ADAMTS9: variants seen among roughly 807,000 people sequenced by gnomAD.
ADAMTS9 encodes A disintegrin and metalloproteinase with thrombospondin motifs 9.
A neutral mutation model predicts 257.1 loss-of-function variants in ADAMTS9; 107 were observed. The ratio of observed to expected loss-of-function variants is 0.42; its 90% CI spans 0.36 to 0.49. The LOEUF (loss-of-function observed/expected upper bound fraction) is 0.49, where lower values mean the gene tolerates loss of function less well. ADAMTS9 is among the 20% of genes least tolerant of loss of function. The pLI, the probability that ADAMTS9 is intolerant of heterozygous loss-of-function variation, is 0.03. For synonymous variants in ADAMTS9, 982 were observed against 880.9 expected (o/e 1.11, Z -2.03); for missense variants, 2,353 against 2,469.1 (o/e 0.95, Z 1.00).
At chr3:64,566,233 T>A (rs530522271) in intron 29 of ADAMTS9, among the ~76,000 whole-genome samples, 2 of 152,332 alleles carry the variant, frequency 1.3e-5, no homozygotes, top group South Asian at 4.1e-4. Context: ...CAATAATCTT[T>A]AATCATGCAG....
At position 64,651,067 on chromosome 3, in the gene ADAMTS9, G is replaced by T. The variant is rs770979909; in HGVS notation, c.1413C>A (p.Asn471Lys). ...VMAPTLNFYT[N>K]PWMWSKCSRK... is the part of the protein sequence containing the mutation. ...GACTACACTTTGACCACATCCAGGG[G>T]TTGGTGTAGAAGTTCAGTGTTGGAG... Residue 471 changes from asparagine to lysine, a missense_variant, in exon 9 of 40, where the codon AAC (asparagine) becomes AAA (lysine). Coordinates refer to ENST00000498707, the MANE Select transcript of ADAMTS9 (RefSeq NM_182920.2). The T allele has an allele frequency of 3.7e-6, 6 of 1,608,016 alleles. No individual in the cohort carries two copies. Among genetic ancestry groups the T allele is most frequent in the Non-Finnish European group, 4.2e-6 (5 of 1,178,036 alleles).
At chr3:64,568,600 C>T (rs2083599793) in intron 28 of ADAMTS9, 65 bp from the exon 29 acceptor site, 4 of 1,583,740 alleles carry the variant, frequency 2.5e-6, no homozygotes, top group Non-Finnish European at 3.4e-6. Flanking sequence ...GAGAAAAAAC[C>T]TGCGTCTTGA....
At chr3:64,614,643 G>A (rs368309127) in intron 21 of ADAMTS9, among the ~76,000 whole-genome samples, 4 of 152,150 alleles carry the variant, frequency 2.6e-5, no homozygotes, top group Admixed American at 6.5e-5. Context: ...GAATCTCCTT[G>A]GGCTGTGTTA....
chr3:64,589,453 AG>A (rs2084219341), intron 28 of ADAMTS9: 1 of 152,220 alleles, frequency 6.6e-6, no homozygotes, highest in Non-Finnish European at 1.5e-5. Flanking sequence ...CTATCACTGA[AG>A]TAGATTATCG....
intron 28 of ADAMTS9, among the ~76,000 whole-genome samples, chr3:64,593,462 C>A (rs1021468456): frequency 6.6e-6 from 1 of 152,190 alleles, no homozygotes; most frequent in Non-Finnish European, 1.5e-5. Flanking sequence ...ACAGCCCTAA[C>A]GGCTCCACAG....
intron 36 of ADAMTS9, among the ~76,000 whole-genome samples, chr3:64,540,072 A>G (rs1338635378): frequency 6.6e-6 from 1 of 152,166 alleles, no homozygotes; most frequent in Non-Finnish European, 1.5e-5. Flanking sequence ...ACAGTTCACT[A>G]CACTTTGGTG....
intron 10 of ADAMTS9, 36 bp from the exon 11 acceptor site, chr3:64,648,080 G>A (rs893650654): frequency 6.4e-7 from 1 of 1,569,710 alleles, no homozygotes; most frequent in Non-Finnish European, 8.7e-7. Context: ...TGAGTGACAA[G>A]TGATTTATTT....
chr3:64,557,656 T>C (rs1195275186), intron 30 of ADAMTS9, among the ~76,000 whole-genome samples: 1 of 152,196 alleles, frequency 6.6e-6, no homozygotes, highest in African/African-American at 2.4e-5. Flanking sequence ...AATGTGCTAG[T>C]CACCATGTCG....
intron 19 of ADAMTS9, among the ~76,000 whole-genome samples, chr3:64,617,387 T>C (rs868672452): frequency 1.3e-5 from 2 of 152,112 alleles, no homozygotes; most frequent in African/African-American, 4.8e-5. Context: ...CAAGTGCCCC[T>C]GACAGTAACA....
chr3:64,566,035 G>A (rs1196721683), intron 29 of ADAMTS9, among the ~76,000 whole-genome samples: 1 of 152,178 alleles, frequency 6.6e-6, no homozygotes, highest in African/African-American at 2.4e-5. Context: ...ACCTTTCGAT[G>A]TGATGAGAAA....
chr3:64,611,085 A>C (rs1166123800), intron 22 of ADAMTS9, among the ~76,000 whole-genome samples: 1 of 151,190 alleles, frequency 6.6e-6, no homozygotes, highest in African/African-American at 2.4e-5. Context: ...CAAAAAAAAA[A>C]AAAAAAAAAA....
intron 8 of ADAMTS9, among the ~76,000 whole-genome samples, chr3:64,653,165 G>C (rs1436770327): frequency 1.3e-5 from 2 of 152,158 alleles, no homozygotes; most frequent in African/African-American, 4.8e-5. Context: ...TGAGAAAACT[G>C]AGCCACAGAG....
intron 3 of ADAMTS9, among the ~76,000 whole-genome samples, chr3:64,670,599 G>A (rs1242460432): frequency 6.6e-6 from 1 of 152,166 alleles, no homozygotes; most frequent in Non-Finnish European, 1.5e-5. Flanking sequence ...CAATCTGGGA[G>A]ACAATATTTA....
chr3:64,669,467 G>C (rs190262842), intron 3 of ADAMTS9, among the ~76,000 whole-genome samples: 17 of 152,282 alleles, frequency 1.1e-4, no homozygotes, highest in Non-Finnish European at 1.8e-4. Flanking sequence ...CCAAGATTAG[G>C]AGTCCCTTCG....
intron 16 of ADAMTS9, 78 bp downstream of exon 16, chr3:64,631,377 C>T: frequency 1.7e-6 from 2 of 1,156,138 alleles, no homozygotes; most frequent in South Asian, 1.3e-5. Flanking sequence ...CCTCTGCATG[C>T]CAGAGAAGGA....
chr3:64,578,257 T>C (rs2083904889), intron 28 of ADAMTS9, among the ~76,000 whole-genome samples: 1 of 151,934 alleles, frequency 6.6e-6, no homozygotes, highest in African/African-American at 2.4e-5. Flanking sequence ...CTTTGTGGCT[T>C]TTCTTGTCTC....
At chr3:64,635,830 T>C (rs913270458) in intron 12 of ADAMTS9, among the ~76,000 whole-genome samples, 3 of 152,118 alleles carry the variant, frequency 2.0e-5, no homozygotes, top group African/African-American at 7.2e-5. Flanking sequence ...CTTTTCTCAG[T>C]ACCAAGGCAC....
At chr3:64,564,150 C>G (rs888730078) in intron 29 of ADAMTS9, among the ~76,000 whole-genome samples, 1 of 152,200 alleles carries the variant, frequency 6.6e-6, no homozygotes, top group Non-Finnish European at 1.5e-5. Context: ...GTGCTCCCCC[C>G]ACAGCCATCA....
chr3:64,527,113 T>C (rs990253257), intron 38 of ADAMTS9, among the ~76,000 whole-genome samples: 2 of 152,136 alleles, frequency 1.3e-5, no homozygotes, highest in South Asian at 2.1e-4. Context: ...AAAAACCCAA[T>C]TGTCAAGCAG....
Sources: allele counts gnomAD v4.1 joint callset (sites outside exome capture counted in the v4.1 genomes callset), GRCh38; gene constraint gnomAD v4.1.1; transcripts MANE v1.5; gene names NCBI Gene and HGNC (gene_info 2026-07-23, HGNC 2026-07-21).